Variants in PCDH15 observed in about 807,000 individuals in gnomAD.
The protein encoded by PCDH15 is protocadherin related 15.
Under a neutral mutation model 178.5 loss-of-function variants are expected in PCDH15, and 129 were observed. That is an observed-to-expected ratio of 0.72 (90% confidence interval 0.63 to 0.84). PCDH15 has a LOEUF of 0.84. Among genes scored for constraint, PCDH15 ranks in the 40% least tolerant of loss-of-function variants. The pLI, the probability that PCDH15 is intolerant of heterozygous loss-of-function variation, is 0.00. For synonymous variants in PCDH15, 800 were observed against 732.0 expected, an observed-to-expected ratio of 1.09 and a Z score of -1.50; for missense variants, 2,230 against 2,099.9, an observed-to-expected ratio of 1.06 and a Z score of -1.21.
intron 15 of PCDH15, among the ~76,000 whole-genome samples, chr10:54,123,269 C>A (rs909955720): frequency 6.6e-6 from 1 of 152,064 alleles, no homozygotes; most frequent in Non-Finnish European, 1.5e-5. Context: ...CCAAAATACG[C>A]ATCCAACAAA....
At chr10:54,671,972 C>T (rs866288649) in intron 1 of PCDH15, among the ~76,000 whole-genome samples, 5 of 152,126 alleles carry the variant, frequency 3.3e-5, no homozygotes, top group East Asian at 1.9e-4. Flanking sequence ...TTCGCATTAC[C>T]GCCTGAGCTC....
At chr10:54,286,796 T>C (rs2059055795) in intron 8 of PCDH15, among the ~76,000 whole-genome samples, 2 of 152,198 alleles carry the variant, frequency 1.3e-5, no homozygotes, top group African/African-American at 4.8e-5. Flanking sequence ...AGGCTAATTT[T>C]TGTATTTTTT....
intron 2 of PCDH15, among the ~76,000 whole-genome samples, chr10:55,446,493 T>C (rs1395304599): frequency 1.3e-5 from 2 of 152,034 alleles, no homozygotes; most frequent in Non-Finnish European, 2.9e-5. Context: ...CAAACTGTGG[T>C]ATCATAAAAA....
intron 18 of PCDH15, among the ~76,000 whole-genome samples, chr10:54,036,588 AAAAG>A (rs1429693836): frequency 6.6e-6 from 1 of 151,928 alleles, no homozygotes; most frequent in Non-Finnish European, 1.5e-5. Flanking sequence ...CAGGAAAAAA[AAAAG>A]ACTTCTTTCT....
chr10:54,937,568 T>G (rs1837939299), intron 2 of PCDH15, among the ~76,000 whole-genome samples: 1 of 151,956 alleles, frequency 6.6e-6, no homozygotes, highest in Admixed American at 6.6e-5. Context: ...TTTTGTTTTT[T>G]GGGGTGTTAT....
intron 2 of PCDH15, among the ~76,000 whole-genome samples, chr10:55,010,566 G>A (rs1840025210): frequency 6.6e-6 from 1 of 152,074 alleles, no homozygotes; most frequent in Non-Finnish European, 1.5e-5. Context: ...CAAGAAGTCA[G>A]CCATGTCATT....
At chr10:54,855,191 C>T (rs1033635340) in intron 3 of PCDH15, among the ~76,000 whole-genome samples, 4 of 152,178 alleles carry the variant, frequency 2.6e-5, no homozygotes, top group South Asian at 4.1e-4. Context: ...CTTGCAAGGG[C>T]AGGGGAGGCC....
rs1841365793 is a variant in PCDH15 at position 55,058,819 on chromosome 10, G to A, written c.-80+107757C>T. On this transcript the variant is annotated intron_variant, in intron 2 of 5. Coordinates refer to the PCDH15 transcript ENST00000458638. ...GCATGCTATCAGTGTTCTTCATTCTGCCTATTGGATGGATTGAACTTCACA... is the reference window on the plus strand; with the variant it reads ...GCATGCTATCAGTGTTCTTCATTCTACCTATTGGATGGATTGAACTTCACA... Among the ~76,000 whole-genome samples the A allele has an allele frequency of 5.3e-5, 8 of 152,088 alleles. No homozygotes were observed. In the South Asian group the frequency reaches 1.7e-3, roughly 31 times the overall value.
rs145855847 is a variant in PCDH15, at chr10:54,586,809, T to C, written c.92-58932A>G. Among the ~76,000 whole-genome samples the C allele has an allele frequency of 2.0e-4, 30 of 152,214 alleles. 1 individual carries two copies. The East Asian group carries it at 4.3e-3, about 22-fold the overall frequency. ...ACACCTGGACGGATGTGCCATAGTT[T>C]GTAAAAGAGTTGAGAATGGCTGCTA... On this transcript the variant is annotated intron_variant, in intron 2 of 37. Coordinates refer to ENST00000644397, the MANE Select transcript of PCDH15 (RefSeq NM_001384140.1).
chr10:54,601,118 T>C (rs2092507889), intron 2 of PCDH15, among the ~76,000 whole-genome samples: 1 of 152,032 alleles, frequency 6.6e-6, no homozygotes, highest in African/African-American at 2.4e-5. Context: ...CAATCTTATG[T>C]TGATCGATGT....
At chr10:55,119,046 G>T (rs1348990145) in intron 2 of PCDH15, among the ~76,000 whole-genome samples, 4 of 152,086 alleles carry the variant, frequency 2.6e-5, no homozygotes. Flanking sequence ...CCTGCACCTG[G>T]CACGTCTCCT....
intron 28 of PCDH15, among the ~76,000 whole-genome samples, chr10:53,853,625 G>A (rs957089962): frequency 6.6e-6 from 1 of 151,982 alleles, no homozygotes; most frequent in Non-Finnish European, 1.5e-5. Context: ...GAATAGACAT[G>A]TTTTAAAAGA....
At chr10:55,351,656 T>C (rs541801841) in intron 2 of PCDH15, among the ~76,000 whole-genome samples, 3 of 152,320 alleles carry the variant, frequency 2.0e-5, no homozygotes, top group Admixed American at 1.3e-4. Flanking sequence ...TATCTCTTTG[T>C]CTGAGAAACT....
At chr10:54,709,539 T>C (rs1450165610) in intron 1 of PCDH15, among the ~76,000 whole-genome samples, 3 of 147,926 alleles carry the variant, frequency 2.0e-5, no homozygotes, top group East Asian at 2.0e-4. Flanking sequence ...CTTTAGTATA[T>C]GCCTGGCACA....
intron 8 of PCDH15, among the ~76,000 whole-genome samples, chr10:54,253,018 T>A (rs2056616513): frequency 6.6e-6 from 1 of 152,030 alleles, no homozygotes; most frequent in Admixed American, 6.6e-5. Flanking sequence ...TTGATTGAAT[T>A]ATGGGAGTAA....
intron 21 of PCDH15, among the ~76,000 whole-genome samples, chr10:53,974,936 C>A (rs1003668848): frequency 7.9e-5 from 12 of 152,100 alleles, no homozygotes; most frequent in Admixed American, 5.2e-4. Flanking sequence ...CCCTCCTTCC[C>A]CCACCTCCTC....
intron 10 of PCDH15, among the ~76,000 whole-genome samples, chr10:54,207,572 T>C (rs1405585702): frequency 1.3e-5 from 2 of 152,072 alleles, no homozygotes; most frequent in African/African-American, 4.8e-5. Flanking sequence ...CTCAGTATGT[T>C]ATCTGAGTCA....
chr10:54,979,536 A>C (rs1455609401), intron 2 of PCDH15, among the ~76,000 whole-genome samples: 1 of 151,860 alleles, frequency 6.6e-6, no homozygotes, highest in Non-Finnish European at 1.5e-5. Context: ...AGACGTGGTG[A>C]TACGTGCCTG....
At chr10:54,246,433 T>C (rs572272781) in intron 8 of PCDH15, among the ~76,000 whole-genome samples, 3 of 152,048 alleles carry the variant, frequency 2.0e-5, no homozygotes, top group Non-Finnish European at 4.4e-5. Context: ...ACCTTTTATA[T>C]ATGGCTTTTT....
Sources: gnomAD v4.1 joint callset for allele counts (sites outside exome capture counted in the v4.1 genomes callset) on GRCh38, gnomAD v4.1.1 for gene constraint, MANE v1.5 for transcripts, NCBI Gene and HGNC (gene_info 2026-07-23, HGNC 2026-07-21) for gene names.